The following AUTS2 variants were observed in gnomAD, a reference collection of about 807,000 sequenced individuals.
The protein encoded by AUTS2 is autism susceptibility gene 2 protein.
AUTS2 carries 17 observed loss-of-function variants against 112.4 expected under a neutral mutation model. That is an observed-to-expected ratio of 0.15 (90% confidence interval 0.10 to 0.23). AUTS2 has a LOEUF of 0.23. AUTS2 is among the 10% of genes least tolerant of loss of function. AUTS2 has a pLI of 1.00. For synonymous variants in AUTS2, 751 were observed against 702.7 expected, an observed-to-expected ratio of 1.07 and a Z score of -1.09; for missense variants, 1,510 against 1,701.6, an observed-to-expected ratio of 0.89 and a Z score of 1.98.
At chr7:69,786,585 G>A (rs987173987) in intron 1 of AUTS2, among the ~76,000 whole-genome samples, 5 of 152,082 alleles carry the variant, frequency 3.3e-5, no homozygotes, top group African/African-American at 9.7e-5. Flanking sequence ...CTTTGGGTCC[G>A]TGCCACCTTT....
At position 70,118,192 on chromosome 7, in the gene AUTS2, A is replaced by C. The variant is rs1390276215; in HGVS notation, c.583A>C (p.Lys195Gln). 6.2e-7 allele frequency: 1 copy of C among 1,611,512 alleles called. No homozygotes were observed. The highest frequency in any genetic ancestry group is 8.5e-7 in the Non-Finnish European group (1 of 1,179,056). ...CAGTGAAAGTGCCAGTGGAGAATCC[A>C]AGGGCTTCCACCGGAGCAGCTCTCG... is the stretch of plus-strand genomic sequence containing the variant. The part of the protein sequence containing the change: ...SDSESASGES[K>Q]GFHRSSSRER... The change falls in exon 3 of 19, where the codon AAG (lysine) becomes CAG (glutamine). Residue 195 changes from lysine (K) to glutamine (Q), a missense_variant. Physicochemically the swap from Lys to Gln is moderately conservative, Grantham distance 53 (BLOSUM62 1). This residue lies in a region of AUTS2 where 535 missense variants were observed against 594.3 expected (regional missense o/e 0.90). Coordinates refer to ENST00000342771, the MANE Select transcript of AUTS2 (RefSeq NM_015570.4).
At position 70,095,257 on chromosome 7, in the gene AUTS2, A is replaced by AGT. The variant is rs748946398; in HGVS notation, c.523-22859_523-22858dup. Among the ~76,000 whole-genome samples the AGT allele has an allele frequency of 2.1e-3, 316 of 150,670 alleles. 1 individual carries two copies. The highest frequency in any genetic ancestry group is 8.6e-3 in the South Asian group (41 of 4,760). On this transcript the variant is annotated intron_variant, in intron 2 of 18. Coordinates refer to ENST00000342771, the MANE Select transcript of AUTS2 (RefSeq NM_015570.4). The stretch of plus-strand genomic sequence containing the variant: ...TGAGAGGATTGGATCACATATTAAG[A>AGT]GTGTGTGTGTGTGTGTGCGTGCGTG...
intron 4 of AUTS2, among the ~76,000 whole-genome samples, chr7:70,303,072 T>C (rs1789297319): frequency 6.6e-6 from 1 of 152,166 alleles, no homozygotes; most frequent in South Asian, 2.1e-4. Flanking sequence ...GGTTGGAATC[T>C]TTGAAGATAA....
At chr7:69,785,496 C>T (rs972921303) in intron 1 of AUTS2, among the ~76,000 whole-genome samples, 3 of 152,222 alleles carry the variant, frequency 2.0e-5, no homozygotes, top group African/African-American at 7.2e-5. Flanking sequence ...TTAAAGTCCC[C>T]TTCACAAAAC....
At position 70,169,574 on chromosome 7, in the gene AUTS2, T is replaced by G. The variant is rs1808564662; in HGVS notation, c.660+35003T>G. 2.6e-5 allele frequency among the ~76,000 whole-genome samples: 4 copies of G among 152,262 alleles called. No homozygotes were observed. In the South Asian group the frequency reaches 8.3e-4, roughly 32 times the overall value. ...CTTAAAAACAATTGTGACCATGATATTAGCACCTAAAGCACTATTCCTTTT... is the reference window on the plus strand; with the variant it reads ...CTTAAAAACAATTGTGACCATGATAGTAGCACCTAAAGCACTATTCCTTTT... On this transcript the variant is annotated intron_variant, in intron 4 of 18. Coordinates refer to ENST00000342771, the MANE Select transcript of AUTS2 (RefSeq NM_015570.4).
chr7:70,337,346 C>G (rs1411604696), intron 4 of AUTS2, among the ~76,000 whole-genome samples: 2 of 152,186 alleles, frequency 1.3e-5, no homozygotes, highest in African/African-American at 4.8e-5. Flanking sequence ...AAAAGGCAAC[C>G]TCTATTGTAA....
intron 6 of AUTS2, among the ~76,000 whole-genome samples, chr7:70,723,843 C>G (rs1172712419): frequency 6.6e-6 from 1 of 151,886 alleles, no homozygotes; most frequent in African/African-American, 2.4e-5. Context: ...ATTCCTGAAA[C>G]TAACGTTTTG....
Position 70,771,577 on chromosome 7 carries a change from C to T in AUTS2, c.1763C>T (p.Ser588Leu), listed in dbSNP as rs566822692. 9 of 1,613,192 alleles carry T rather than the reference C, an allele frequency of 5.6e-6. No individual in the cohort carries two copies. Among genetic ancestry groups the T allele is most frequent in the Admixed American group, 1.7e-5 (1 of 60,008 alleles). ...TTCCATTCCTATCCTCCTGCAGTGT[C>T]GGGCATCCCCCCTATGATCCCACCC... ...SLFHSYPPAV[S>L]GIPPMIPPTG... The change falls in exon 11 of 19, where the codon TCG becomes TTG. Residue 588 changes from serine to leucine, a missense_variant. Ser to Leu is a moderately radical substitution (Grantham distance 145). Coordinates refer to ENST00000342771, the MANE Select transcript of AUTS2 (RefSeq NM_015570.4).
chr7:70,209,326 G>A lies in AUTS2; in HGVS notation c.660+74755G>A, dbSNP rs138112325. ...TTGTATGAGGAAGAATTTATAGGGTGTGAGGGTGTGAAGCAGGGAATAATT... is the reference window on the plus strand; with the variant it reads ...TTGTATGAGGAAGAATTTATAGGGTATGAGGGTGTGAAGCAGGGAATAATT... On this transcript the variant is annotated intron_variant, in intron 4 of 18. Transcript: ENST00000342771. Among the ~76,000 whole-genome samples the A allele has an allele frequency of 1.8e-4, 27 of 152,312 alleles. No individual in the cohort carries two copies. In the South Asian group the frequency reaches 3.7e-3, roughly 21 times the overall value.
intron 1 of AUTS2, among the ~76,000 whole-genome samples, chr7:69,629,646 T>C (rs1326264342): frequency 1.3e-5 from 2 of 152,172 alleles, no homozygotes; most frequent in East Asian, 1.9e-4. Flanking sequence ...GTAAATGTAA[T>C]GGATCCAGTA....
At chr7:69,796,828 T>C (rs1789866067) in intron 1 of AUTS2, among the ~76,000 whole-genome samples, 1 of 152,208 alleles carries the variant, frequency 6.6e-6, no homozygotes, top group Admixed American at 6.5e-5. Flanking sequence ...CAATTATTAA[T>C]GTTAAATATA....
At chr7:69,929,868 T>G (rs1233381616) in intron 2 of AUTS2, among the ~76,000 whole-genome samples, 2 of 152,210 alleles carry the variant, frequency 1.3e-5, no homozygotes, top group Non-Finnish European at 2.9e-5. Flanking sequence ...TCTGCCTCAT[T>G]GTGTAACTGG....
chr7:70,634,456 G>A (rs2129538981), intron 5 of AUTS2, among the ~76,000 whole-genome samples: 1 of 152,270 alleles, frequency 6.6e-6, no homozygotes, highest in East Asian at 1.9e-4. Context: ...CCTAGCCTTG[G>A]AAATGACCTT....
intron 6 of AUTS2, among the ~76,000 whole-genome samples, chr7:70,757,080 G>A (rs1418561208): frequency 1.3e-5 from 2 of 152,174 alleles, no homozygotes; most frequent in African/African-American, 2.4e-5. Flanking sequence ...ATCCTCCAAT[G>A]GGAACTATCT....
intron 1 of AUTS2, among the ~76,000 whole-genome samples, chr7:69,620,416 G>C (rs1225154012): frequency 6.6e-6 from 1 of 152,312 alleles, no homozygotes; most frequent in South Asian, 2.1e-4. Context: ...TGCCTTAGAG[G>C]TCATGTTTGG....
intron 4 of AUTS2, among the ~76,000 whole-genome samples, chr7:70,371,039 G>T (rs1412574620): frequency 6.6e-6 from 1 of 152,066 alleles, no homozygotes; most frequent in African/African-American, 2.4e-5. Context: ...GCAGTTAAAG[G>T]CTAAGAAGGA....
chr7:69,735,231 A>G (rs1267081865), intron 1 of AUTS2, among the ~76,000 whole-genome samples: 1 of 152,214 alleles, frequency 6.6e-6, no homozygotes, highest in African/African-American at 2.4e-5. Context: ...GTAATGGCAA[A>G]AGAATGAGAA....
At chr7:70,336,445 C>T (rs1191525928) in intron 4 of AUTS2, among the ~76,000 whole-genome samples, 2 of 152,000 alleles carry the variant, frequency 1.3e-5, no homozygotes, top group African/African-American at 4.8e-5. Flanking sequence ...TTCAATTTGC[C>T]CACATGGAGG....
At chr7:70,434,819 T>A (rs1795823144) in intron 4 of AUTS2, among the ~76,000 whole-genome samples, 2 of 152,230 alleles carry the variant, frequency 1.3e-5, no homozygotes, top group African/African-American at 4.8e-5. Flanking sequence ...GTTTAGCAGT[T>A]CCTTATCAAG....
Sources: gnomAD v4.1 joint callset for allele counts (sites outside exome capture counted in the v4.1 genomes callset) on GRCh38, gnomAD v4.1.1 for gene constraint, gnomAD v4.1.1 regional missense constraint, MANE v1.5 for transcripts, NCBI Gene and HGNC (gene_info 2026-07-23, HGNC 2026-07-21) for gene names.